Variants in FIBP observed in about 807,000 individuals in gnomAD.
FIBP encodes acidic fibroblast growth factor intracellular-binding protein.
Under a neutral mutation model 40.5 loss-of-function variants are expected in FIBP, and 29 were observed. The observed-to-expected ratio is 0.72, with a 90% CI of 0.53 to 0.98. The LOEUF is 0.98. Ranked by LOEUF, FIBP falls within the 50% of genes least tolerant of loss-of-function variation. FIBP has a pLI of 0.00. For synonymous variants in FIBP, 215 were observed against 191.1 expected (o/e 1.13, Z -1.03); for missense variants, 411 against 470.2 (o/e 0.87, Z 1.16).
In FIBP at chr11:65,887,684, G is replaced by T. The variant is rs749398603; in HGVS notation, c.327C>A (p.Gly109=). ...FDEAFVREVL[G]KKLSKGTKKD... is the part of the protein sequence containing the mutation. ...TCTTGGTGCCTTTGGACAGCTTCTT[G>T]CCCAGCACCTCCCGAACAAAGGCCT... The change falls in exon 3 of 10, where the codon GGC becomes GGA. Residue 109 remains glycine, a synonymous_variant. Transcript: ENST00000357519. The T allele has an allele frequency of 6.2e-7, 1 of 1,614,138 alleles. No individual in the cohort carries two copies. The highest frequency in any genetic ancestry group is 8.5e-7 in the Non-Finnish European group (1 of 1,180,018).
Position 65,883,754 on chromosome 11 carries a change from A to G in FIBP, c.*220T>C. 1 of 840,538 alleles carries G rather than the reference A, an allele frequency of 1.2e-6. No homozygotes were observed. The highest frequency in any genetic ancestry group is 2.2e-5 in the Admixed American group (1 of 46,452). 52.1% of individuals were successfully genotyped at this position (840,538 alleles called of 1,614,324 possible). ...GACAAGACCTCTGGCTTGTGAGCAG[A>G]CTCTTCTGGTGGATGGGCTGAGCAC... On this transcript the variant is annotated 3_prime_UTR_variant, in exon 10 of 10. Coordinates refer to ENST00000357519, the MANE Select transcript of FIBP (RefSeq NM_004214.5).
At chr11:65,885,812 C>T (rs1860220848) in intron 4 of FIBP, 149 bp from the exon 5 acceptor site, 2 of 744,144 alleles carry the variant, frequency 2.7e-6, no homozygotes, top group Admixed American at 2.5e-5. Context: ...TCTCTATGAC[C>T]CTTCCCCATC....
intron 5 of FIBP, 171 bp downstream of exon 5, chr11:65,885,359 G>T: frequency 1.1e-6 from 1 of 937,762 alleles, no homozygotes; most frequent in Non-Finnish European, 1.7e-6. Context: ...CCCTTTGTCT[G>T]CAGACAAGGT....
intron 7 of FIBP, 112 bp from the exon 8 acceptor site, chr11:65,884,768 CATCA>C: frequency 7.5e-7 from 1 of 1,327,918 alleles, no homozygotes; most frequent in Non-Finnish European, 1.1e-6. Flanking sequence ...CACCTCCCTC[CATCA>C]ACCAAGTCCC....
intron 4 of FIBP, chr11:65,886,108 G>C (rs1275905131): frequency 3.9e-6 from 2 of 506,904 alleles, no homozygotes; most frequent in Non-Finnish European, 7.1e-6. Context: ...AGAGGTTGCA[G>C]TGAGCCAAGA....
At chr11:65,886,492 C>T in intron 3 of FIBP, 70 bp from the exon 4 acceptor site, 1 of 976,826 alleles carries the variant, frequency 1.0e-6, no homozygotes, top group South Asian at 1.3e-5. Context: ...CAATAAACCA[C>T]TTATTGAACA....
In FIBP at chr11:65,886,366, C is replaced by T. The variant is rs1860238523; in HGVS notation, c.468G>A (p.Val156=). The T allele has an allele frequency of 6.2e-7, 1 of 1,613,910 alleles. No homozygotes were observed. Among genetic ancestry groups the T allele is most frequent in the South Asian group, 1.1e-5 (1 of 91,068 alleles). The change falls in exon 4 of 10, where the codon GTG becomes GTA. Residue 156 remains valine, a synonymous_variant. Coordinates refer to ENST00000357519, the MANE Select transcript of FIBP (RefSeq NM_004214.5). ...GGAGGAAGTGTTGCTGAATATTGTC[C>T]ACCAGGGAGCCCCGCATTTCCTCTA... ...KVVEEMRGSL[V]DNIQQHFLLS...
Position 65,888,141 on chromosome 11 carries a change from C to A in FIBP, c.86-9G>T. ...GGCCACCGCGTCGGTCACTGGAAAG[C>A]GGACGCTAGCATCAGGCCCCGCCCC... On this transcript the variant is annotated splice_polypyrimidine_tract_variant and intron_variant, in intron 1 of 9. Coordinates refer to ENST00000357519, the MANE Select transcript of FIBP (RefSeq NM_004214.5). 6.4e-7 allele frequency: 1 copy of A among 1,552,328 alleles called. No homozygotes were observed. The highest frequency in any genetic ancestry group is 8.7e-7 in the Non-Finnish European group (1 of 1,151,358).
chr11:65,886,507 T>G, intron 3 of FIBP, 85 bp from the exon 4 acceptor site: 15 of 858,692 alleles, frequency 1.7e-5, no homozygotes, highest in Non-Finnish European at 2.6e-5. Flanking sequence ...TGAACATCTC[T>G]CCCTTCCCCA....
Position 65,888,438 on chromosome 11 carries a change from GCGCC to G in FIBP, c.-24_-21del. On this transcript the variant is annotated 5_prime_UTR_variant, in exon 1 of 10. Transcript: ENST00000357519. ...GGTCATGGCGACGCCCGGGGCCGCA[GCGCC>G]CCGAGCAGGAGCGAGCACTGCTCGG... 1.9e-6 allele frequency: 3 copies of G among 1,549,716 alleles called. No homozygotes were observed. The highest frequency in any genetic ancestry group is 2.6e-6 in the Non-Finnish European group (3 of 1,144,960).
Position 65,884,028 on chromosome 11 carries a change from C to T in FIBP, c.1020G>A (p.Trp340Ter). 1 of 1,613,678 alleles carries T rather than the reference C, an allele frequency of 6.2e-7. No homozygotes were observed. The highest frequency in any genetic ancestry group is 8.5e-7 in the Non-Finnish European group (1 of 1,179,866). The change falls in exon 10 of 10, where the codon TGG becomes TGA. Residue 340 changes from tryptophan to a stop codon, truncating the protein, a stop_gained. Coordinates refer to ENST00000357519, the MANE Select transcript of FIBP (RefSeq NM_004214.5). LOFTEE classifies it high-confidence loss of function. Reference protein sequence around the residue: ...SLDGFRHQALWDRYMGTLRGC... With the variant: ...SLDGFRHQAL Reference sequence around the variant, plus strand: ...CGCGGAGGGTGCCCATGTAGCGGTCCCAGAGGGCCTGGTGTCTGTAAGAAC... The same window carrying T: ...CGCGGAGGGTGCCCATGTAGCGGTCTCAGAGGGCCTGGTGTCTGTAAGAAC...
chr11:65,886,869 G>C (rs1591078358), intron 3 of FIBP: 1 of 167,880 alleles, frequency 6.0e-6, no homozygotes, highest in East Asian at 1.7e-4. Context: ...TGTGGAGAAG[G>C]TGGCATCTCA....
chr11:65,886,132 T>G, intron 4 of FIBP, 190 bp downstream of exon 4: 1 of 531,642 alleles, frequency 1.9e-6, no homozygotes, highest in Non-Finnish European at 3.3e-6. Flanking sequence ...CACCATTGCA[T>G]TCCAGCCTGG....
At chr11:65,884,343 T>C in intron 9 of FIBP, 49 bp downstream of exon 9, 1 of 1,550,124 alleles carries the variant, frequency 6.5e-7, no homozygotes, top group Non-Finnish European at 8.9e-7. Context: ...TCCTGGCAGG[T>C]GGCAGGCTGG....
In FIBP at chr11:65,885,111, ACTAGCACCTTGAGCTC is replaced by A; in HGVS notation, c.706_721del (p.Glu236TrpfsTer40). 2 of 1,613,008 alleles carry A rather than the reference ACTAGCACCTTGAGCTC, an allele frequency of 1.2e-6. No homozygotes were observed. The highest frequency in any genetic ancestry group is 1.7e-6 in the Non-Finnish European group (2 of 1,179,898). On this transcript the variant is annotated frameshift_variant, in exon 6 of 10. Coordinates refer to ENST00000357519, the MANE Select transcript of FIBP (RefSeq NM_004214.5). LOFTEE classifies it high-confidence loss of function. ...CAGGTCCAGAAGGTCCTTGTCAGCCACTAGCACCTTGAGCTCCTTCAAGTCCTGGAGAAATTCCTTG... is the reference window on the plus strand; with the variant it reads ...CAGGTCCAGAAGGTCCTTGTCAGCCACTTCAAGTCCTGGAGAAATTCCTTG...
At chr11:65,887,466 A>T in intron 3 of FIBP, 134 bp downstream of exon 3, 241 of 672,562 alleles carry the variant, frequency 3.6e-4, no homozygotes, top group Non-Finnish European at 5.2e-4. Flanking sequence ...AAAAAAAAGG[A>T]GGGGAAAGGG....
At position 65,887,731 on chromosome 11, in the gene FIBP, T is replaced by C. The variant is rs372648770; in HGVS notation, c.285-5A>G. 6.2e-6 allele frequency: 10 copies of C among 1,614,094 alleles called. No homozygotes were observed. The highest frequency in any genetic ancestry group is 1.3e-5 in the African/African-American group (1 of 75,024). ...GCCTCATCAAAGGCATAGTACCTTG[T>C]GGAGTCAGAGAACACCATTGACCCT... On this transcript the variant is annotated splice_region_variant and splice_polypyrimidine_tract_variant and intron_variant, in intron 2 of 9. Coordinates refer to ENST00000357519, the MANE Select transcript of FIBP (RefSeq NM_004214.5).
chr11:65,888,150 G>C lies in FIBP; in HGVS notation c.86-18C>G, dbSNP rs1860293193. On this transcript the variant is annotated intron_variant, in intron 1 of 9. Transcript: ENST00000357519. ...GTCGGTCACTGGAAAGCGGACGCTA[G>C]CATCAGGCCCCGCCCCGCCGACGCC... 2 of 1,544,164 alleles carry C rather than the reference G, an allele frequency of 1.3e-6. No individual in the cohort carries two copies. The highest frequency in any genetic ancestry group is 1.2e-5 in the South Asian group (1 of 85,314).
rs532911118 is a variant in FIBP, at chr11:65,885,674, G to A, written c.513-11C>T. The stretch of plus-strand genomic sequence containing the variant: ...ATGGCTGCATAGTCCCTGCACAGAC[G>A]AGAGGAGGGTCCTCTTAGGGCTTGA... On this transcript the variant is annotated splice_polypyrimidine_tract_variant and intron_variant, in intron 4 of 9. Coordinates refer to ENST00000357519, the MANE Select transcript of FIBP (RefSeq NM_004214.5). 22 of 1,598,180 alleles carry A rather than the reference G, an allele frequency of 1.4e-5. No individual in the cohort carries two copies. The East Asian group carries it at 1.8e-4, about 13-fold the overall frequency.
Sources: allele counts gnomAD v4.1 joint callset, GRCh38; gene constraint gnomAD v4.1.1; transcripts MANE v1.5; gene names NCBI Gene and HGNC (gene_info 2026-07-23, HGNC 2026-07-21).